Variants in FYN observed in about 807,000 individuals in gnomAD.
FYN encodes the protein tyrosine-protein kinase Fyn.
FYN carries 10 observed loss-of-function variants against 70.2 expected under a neutral mutation model. The observed-to-expected ratio is 0.14, with a 90% CI of 0.09 to 0.24. The LOEUF (loss-of-function observed/expected upper bound fraction) is 0.24. Among genes scored for constraint, FYN ranks in the 10% least tolerant of loss-of-function variants. The pLI is 1.00. For missense variants in FYN, 319 were observed against 673.1 expected (o/e 0.47, Z 5.82); for synonymous variants, 236 against 248.6 (o/e 0.95, Z 0.48).
At chr6:111,765,931 T>G (rs565352501) in intron 3 of FYN, among the ~76,000 whole-genome samples, 17 of 151,704 alleles carry the variant, frequency 1.1e-4, no homozygotes, top group Admixed American at 1.1e-3. Flanking sequence ...AGTGAAAGAG[T>G]TAGATGTGTT....
chr6:111,770,900 C>A (rs528549891), intron 3 of FYN, among the ~76,000 whole-genome samples: 1 of 152,246 alleles, frequency 6.6e-6, no homozygotes, highest in South Asian at 2.1e-4. Context: ...CCAACACCGC[C>A]ACAGTGGGGA....
chr6:111,716,366 T>C (rs1297323592), intron 4 of FYN, among the ~76,000 whole-genome samples: 1 of 152,214 alleles, frequency 6.6e-6, no homozygotes, highest in African/African-American at 2.4e-5. Context: ...GAAAATTACA[T>C]AGTCATAAGA....
intron 2 of FYN, among the ~76,000 whole-genome samples, chr6:111,797,856 A>G (rs7751220): frequency 0.32 from 47,947 of 151,610 alleles, 12,476 homozygotes; most frequent in African/African-American, 0.72. Flanking sequence ...TCCGCCTCCC[A>G]GGTGCAAGTG....
intron 1 of FYN, among the ~76,000 whole-genome samples, chr6:111,871,269 C>T (rs1387621302): frequency 6.6e-6 from 1 of 152,236 alleles, no homozygotes; most frequent in Non-Finnish European, 1.5e-5. Flanking sequence ...AGCCCCAGTT[C>T]ATAGCCAAGT....
At chr6:111,759,517 G>A (rs1011719035) in intron 3 of FYN, among the ~76,000 whole-genome samples, 4 of 152,176 alleles carry the variant, frequency 2.6e-5, no homozygotes, top group African/African-American at 9.7e-5. Flanking sequence ...CAACGGTGCT[G>A]GGTCCTCTCG....
Position 111,700,451 on chromosome 6 carries a change from C to T in FYN, c.698-183G>A, listed in dbSNP as rs146484357. ...ACACAGCGCTCCTTAAACAGCGCTA[C>T]ACCAGCAGACGACCACACACACGGT... On this transcript the variant is annotated intron_variant, in intron 8 of 13. Transcript: ENST00000354650. 4.7e-3 allele frequency among the ~76,000 whole-genome samples: 711 copies of T among 152,272 alleles called. 5 individuals carry two copies. The highest frequency in any genetic ancestry group is 0.016 in the African/African-American group (670 of 41,552).
intron 2 of FYN, among the ~76,000 whole-genome samples, chr6:111,797,900 C>T (rs1254595051): frequency 6.6e-6 from 1 of 151,724 alleles, no homozygotes; most frequent in African/African-American, 2.4e-5. Context: ...GTAGCTGGGA[C>T]TACAGGCATG....
chr6:111,670,634 G>A (rs1477077679), intron 13 of FYN, among the ~76,000 whole-genome samples: 1 of 143,498 alleles, frequency 7.0e-6, no homozygotes, highest in African/African-American at 3.0e-5. Context: ...GAAGAACTAT[G>A]TAGAATTACG....
At chr6:111,692,658 G>A (rs1212943500) in intron 12 of FYN, among the ~76,000 whole-genome samples, 2 of 152,036 alleles carry the variant, frequency 1.3e-5, no homozygotes, top group African/African-American at 2.4e-5. Context: ...GGAAAAACTC[G>A]ACTCACACAC....
intron 3 of FYN, among the ~76,000 whole-genome samples, chr6:111,744,064 C>T (rs1010514889): frequency 5.9e-5 from 9 of 152,192 alleles, no homozygotes; most frequent in Non-Finnish European, 8.8e-5. Flanking sequence ...TTTCTGCTCC[C>T]AACTCTTGCC....
At chr6:111,799,788 T>C (rs1310416032) in intron 2 of FYN, among the ~76,000 whole-genome samples, 4 of 152,200 alleles carry the variant, frequency 2.6e-5, no homozygotes, top group Admixed American at 6.5e-5. Context: ...AGGCTGTCAC[T>C]TGTGCAATTC....
At chr6:111,776,217 CAACA>C (rs1770932765) in intron 3 of FYN, among the ~76,000 whole-genome samples, 1 of 152,136 alleles carries the variant, frequency 6.6e-6, no homozygotes, top group Non-Finnish European at 1.5e-5. Context: ...GGTCACAAGC[CAACA>C]GCAAAGGCAT....
chr6:111,689,565 CT>C (rs1362952634), intron 12 of FYN, among the ~76,000 whole-genome samples: 1 of 152,126 alleles, frequency 6.6e-6, no homozygotes, highest in Non-Finnish European at 1.5e-5. Flanking sequence ...AGAATGGAGG[CT>C]CTGTGATATA....
At chr6:111,709,497 C>G (rs706876) in intron 5 of FYN, among the ~76,000 whole-genome samples, 1 of 152,020 alleles carries the variant, frequency 6.6e-6, no homozygotes, top group Admixed American at 6.5e-5. Flanking sequence ...GCATAAGTAA[C>G]AGAATAGCCC....
chr6:111,692,853 G>C (rs949214229), intron 12 of FYN, among the ~76,000 whole-genome samples: 12 of 152,208 alleles, frequency 7.9e-5, no homozygotes, highest in Non-Finnish European at 1.8e-4. Context: ...GGCTCACCTT[G>C]CCTCAAATTC....
intron 2 of FYN, among the ~76,000 whole-genome samples, chr6:111,800,976 C>G (rs1771964357): frequency 6.6e-6 from 1 of 152,218 alleles, no homozygotes; most frequent in South Asian, 2.1e-4. Context: ...CTCGTTCATA[C>G]TTAGTCACCT....
rs534789955 is a variant in FYN at position 111,719,376 on chromosome 6, T to C, written c.247+429A>G. ...GAAGTGAGTGGGAAGAGGGAGTACA[T>C]TAATATCTAGAGAACTCAAAATACA... is the stretch of plus-strand genomic sequence containing the variant. On this transcript the variant is annotated intron_variant, in intron 4 of 13. Coordinates refer to ENST00000354650, the MANE Select transcript of FYN (RefSeq NM_002037.5). 4.0e-5 allele frequency among the ~76,000 whole-genome samples: 6 copies of C among 150,546 alleles called. No homozygotes were observed. In the East Asian group the frequency reaches 7.8e-4, roughly 20 times the overall value.
At chr6:111,865,801 A>G (rs1774087873) in intron 1 of FYN, among the ~76,000 whole-genome samples, 1 of 152,234 alleles carries the variant, frequency 6.6e-6, no homozygotes, top group South Asian at 2.1e-4. Flanking sequence ...AGGGATTTCC[A>G]TTGTAAATAG....
At chr6:111,710,112 C>T (rs973636421) in intron 5 of FYN, among the ~76,000 whole-genome samples, 5 of 152,162 alleles carry the variant, frequency 3.3e-5, no homozygotes, top group Admixed American at 2.0e-4. Context: ...CAGCTCCTCC[C>T]CCTCCACCCT....
Sources: allele counts gnomAD v4.1 joint callset (sites outside exome capture counted in the v4.1 genomes callset), GRCh38; gene constraint gnomAD v4.1.1; transcripts MANE v1.5; gene names NCBI Gene and HGNC (gene_info 2026-07-23, HGNC 2026-07-21).